Variants in ONECUT1 observed in about 807,000 individuals in gnomAD.
ONECUT1 encodes the protein hepatocyte nuclear factor 6.
Under a neutral mutation model 25.6 loss-of-function variants are expected in ONECUT1, and 12 were observed. The observed-to-expected ratio is 0.47, with a 90% confidence interval of 0.30 to 0.76. ONECUT1 has a LOEUF of 0.76. ONECUT1 is among the 30% of genes least tolerant of loss of function. The pLI, the probability that ONECUT1 is intolerant of heterozygous loss-of-function variation, is 0.07. For missense variants in ONECUT1, 620 were observed against 651.2 expected (o/e 0.95, Z 0.52); for synonymous variants, 285 against 270.2 (o/e 1.05, Z -0.54).
chr15:52,782,496 G>A (rs1279052280), intron 1 of ONECUT1, among the ~76,000 whole-genome samples: 1 of 152,084 alleles, frequency 6.6e-6, no homozygotes, highest in Non-Finnish European at 1.5e-5. Context: ...TCTTTTTACT[G>A]GACTCTATGA....
intron 1 of ONECUT1, chr15:52,780,867 C>A (rs2083836482): frequency 7.4e-7 from 1 of 1,345,570 alleles, no homozygotes; most frequent in Non-Finnish European, 9.5e-7. Flanking sequence ...ATTTCAGAAA[C>A]CGTCGATTCT....
Position 52,770,351 on chromosome 15 carries a change from G to T in ONECUT1, c.1106-12504C>A, listed in dbSNP as rs1382876967. Among the ~76,000 whole-genome samples, 4 of 152,234 alleles carry T rather than the reference G, an allele frequency of 2.6e-5. No homozygotes were observed. The East Asian group carries it at 7.7e-4, about 29-fold the overall frequency. ...TCGGTGATTCTAATACTTAGCCAAG[G>T]CTGAGAACCACTCCTCTAAATCAGT... On this transcript the variant is annotated intron_variant, in intron 1 of 1. Transcript: ENST00000305901.
intron 1 of ONECUT1, among the ~76,000 whole-genome samples, chr15:52,785,547 G>C (rs1310652346): frequency 1.3e-5 from 2 of 152,184 alleles, no homozygotes; most frequent in South Asian, 4.1e-4. Flanking sequence ...GCGGTGCTGC[G>C]CTTGCTGTTG....
Position 52,788,926 on chromosome 15 carries a change from A to C in ONECUT1, c.959T>G (p.Leu320Arg). 6.2e-7 allele frequency: 1 copy of C among 1,613,812 alleles called. No individual in the cohort carries two copies. Among genetic ancestry groups the C allele is most frequent in the Non-Finnish European group, 8.5e-7 (1 of 1,179,994 alleles). ...CGAGAGGGTCCCCTGGGAGCGGCAG[A>C]GCACCCTCTGCGCGAAGATGGCCTG... Reference protein sequence around the residue: ...IPQAIFAQRVLCRSQGTLSDL... With the variant: ...IPQAIFAQRVRCRSQGTLSDL... The change falls in exon 1 of 2, where the codon CTC (leucine) becomes CGC (arginine). Residue 320 changes from leucine (L) to arginine (R), a missense_variant. Leu to Arg is a moderately radical substitution (Grantham distance 102, BLOSUM62 -2). Transcript: ENST00000305901. This position sits in a 1 kb window ranked among gnomAD's most constrained non-coding sequence, Gnocchi z 4.3.
chr15:52,767,907 CG>C (rs1479353064), intron 1 of ONECUT1, among the ~76,000 whole-genome samples: 1 of 152,028 alleles, frequency 6.6e-6, no homozygotes, highest in Non-Finnish European at 1.5e-5. Context: ...TGGAACTGGA[CG>C]GTATTACGTT....
chr15:52,779,520 A>G (rs1010913063), intron 1 of ONECUT1, among the ~76,000 whole-genome samples: 1 of 152,212 alleles, frequency 6.6e-6, no homozygotes, highest in Non-Finnish European at 1.5e-5. Flanking sequence ...TTCAATATGC[A>G]AATTTAACTC....
At position 52,789,920 on chromosome 15, in the gene ONECUT1, G is replaced by T; in HGVS notation, c.-36C>A. The T allele has an allele frequency of 1.3e-6, 2 of 1,495,504 alleles. No homozygotes were observed. The highest frequency in any genetic ancestry group is 2.7e-5 in the East Asian group (1 of 37,592). The allele number at this position is 1,495,504 out of a possible 1,614,324, so 92.6% of individuals were successfully genotyped here. ...GCGAGCAGGCGGCGGACACAACATC[G>T]ATGTGGCCAGGCAGAGGCGGCGAGG... On this transcript the variant is annotated 5_prime_UTR_variant, in exon 1 of 2. Coordinates refer to ENST00000305901, the MANE Select transcript of ONECUT1 (RefSeq NM_004498.4). This position sits in a 1 kb window ranked among gnomAD's most constrained non-coding sequence, Gnocchi z 4.1.
At chr15:52,764,754 G>GAGAT (rs1469625875) in intron 1 of ONECUT1, among the ~76,000 whole-genome samples, 1 of 152,196 alleles carries the variant, frequency 6.6e-6, no homozygotes, top group Non-Finnish European at 1.5e-5. Context: ...GGGCCTGCTG[G>GAGAT]AGATGCAGCA....
intron 1 of ONECUT1, among the ~76,000 whole-genome samples, chr15:52,767,801 A>G (rs1205356551): frequency 2.6e-5 from 4 of 152,232 alleles, no homozygotes; most frequent in Non-Finnish European, 5.9e-5. Context: ...GTGTCCATCA[A>G]CAGGTGAACG....
intron 1 of ONECUT1, chr15:52,780,996 T>C: frequency 1.5e-6 from 1 of 686,104 alleles, no homozygotes; most frequent in South Asian, 6.0e-5. Flanking sequence ...ATATACTCTG[T>C]TTTGGTCAAT....
At chr15:52,778,188 G>T (rs544433200) in intron 1 of ONECUT1, among the ~76,000 whole-genome samples, 3 of 152,246 alleles carry the variant, frequency 2.0e-5, no homozygotes, top group African/African-American at 4.8e-5. Context: ...CTCAATAAAA[G>T]AACTAGAACA....
intron 1 of ONECUT1, among the ~76,000 whole-genome samples, chr15:52,760,020 A>G (rs2083696744): frequency 6.6e-6 from 1 of 152,190 alleles, no homozygotes; most frequent in Non-Finnish European, 1.5e-5. Flanking sequence ...CCACTGGTCC[A>G]ACCATTAGTA....
intron 1 of ONECUT1, among the ~76,000 whole-genome samples, chr15:52,775,980 G>T (rs1282643598): frequency 1.3e-5 from 2 of 152,162 alleles, no homozygotes; most frequent in African/African-American, 4.8e-5. Context: ...GGATGGATTT[G>T]GGCTAACCCC....
chr15:52,778,761 C>G (rs2083820442), intron 1 of ONECUT1, among the ~76,000 whole-genome samples: 1 of 152,184 alleles, frequency 6.6e-6, no homozygotes, highest in South Asian at 2.1e-4. Context: ...GAGCACTAAA[C>G]TTAGAAGAGA....
rs1318448552 is a variant in ONECUT1, at chr15:52,757,829, T to C, written c.1124A>G (p.Gln375Arg). The C allele has an allele frequency of 6.2e-7, 1 of 1,613,356 alleles. No individual in the cohort carries two copies. Among genetic ancestry groups the C allele is most frequent in the Non-Finnish European group, 8.5e-7 (1 of 1,179,608 alleles). Residue 375 changes from glutamine (Q) to arginine (R), a missense_variant, in exon 2 of 2, where the codon CAA becomes CGA. Physicochemically the swap from Gln to Arg is conservative, Grantham distance 43. This residue lies in a region of ONECUT1 where 146 missense variants were observed against 201.8 expected (regional missense o/e 0.72). Coordinates refer to ENST00000305901, the MANE Select transcript of ONECUT1 (RefSeq NM_004498.4). Reference sequence around the variant, plus strand: ...GTTGCCTCTATCCTTCCCATGTTCTTGTTCTTTCCTTTTGCATGCTGTGAA... The same window carrying C: ...GTTGCCTCTATCCTTCCCATGTTCTCGTTCTTTCCTTTTGCATGCTGTGAA... Reference protein sequence around the residue: ...LRLAACKRKEQEHGKDRGNTP... With the variant: ...LRLAACKRKEREHGKDRGNTP...
At chr15:52,777,029 A>G (rs1024030406) in intron 1 of ONECUT1, among the ~76,000 whole-genome samples, 2 of 152,218 alleles carry the variant, frequency 1.3e-5, no homozygotes, top group Admixed American at 1.3e-4. Context: ...AGGGAGCCAC[A>G]CTTTGAGTAG....
intron 1 of ONECUT1, among the ~76,000 whole-genome samples, chr15:52,776,675 A>G (rs1223360628): frequency 2.0e-5 from 3 of 152,008 alleles, no homozygotes; most frequent in Admixed American, 6.5e-5. Context: ...ACAGAACTTT[A>G]TTTCTACCCA....
chr15:52,786,658 C>A lies in ONECUT1; in HGVS notation c.1105+2122G>T, dbSNP rs146772582. Among the ~76,000 whole-genome samples, 569 of 152,372 alleles carry A rather than the reference C, an allele frequency of 3.7e-3. 5 individuals are homozygous for A. The highest frequency in any genetic ancestry group is 0.013 in the African/African-American group (554 of 41,590). On this transcript the variant is annotated intron_variant, in intron 1 of 1. Coordinates refer to ENST00000305901, the MANE Select transcript of ONECUT1 (RefSeq NM_004498.4). Reference sequence around the variant, plus strand: ...CAGGCTCCCTCCCCCTCCACAGTGCCGTCCCCTGAGCTCGGCTATGTAGCT... The same window carrying A: ...CAGGCTCCCTCCCCCTCCACAGTGCAGTCCCCTGAGCTCGGCTATGTAGCT...
chr15:52,782,407 T>C (rs539878863), intron 1 of ONECUT1, among the ~76,000 whole-genome samples: 6 of 152,324 alleles, frequency 3.9e-5, no homozygotes, highest in Non-Finnish European at 7.4e-5. Context: ...TGTATTAAAA[T>C]AAGAACCTAT....
Sources: gnomAD v4.1 joint callset for allele counts (sites outside exome capture counted in the v4.1 genomes callset) on GRCh38, gnomAD v4.1.1 for gene constraint, gnomAD v4.1.1 regional missense constraint, Gnocchi (gnomAD v3.1) non-coding constraint, MANE v1.5 for transcripts, NCBI Gene and HGNC (gene_info 2026-07-23, HGNC 2026-07-21) for gene names.